The following DAB2IP variants were observed in gnomAD, a reference collection of about 807,000 sequenced individuals.
DAB2IP encodes DAB2 interacting protein.
Under a neutral mutation model 107.2 loss-of-function variants are expected in DAB2IP, and 28 were observed. That is an observed-to-expected ratio of 0.26 (90% confidence interval 0.19 to 0.36). The LOEUF is 0.36. DAB2IP is among the 10% of genes least tolerant of loss of function. The probability of loss-of-function intolerance (pLI) is 1.00; values close to 1 mark genes in which losing one functional copy is unlikely to be tolerated. For synonymous variants in DAB2IP, 755 were observed against 706.4 expected (o/e 1.07, Z -1.09); for missense variants, 1,400 against 1,644.7 (o/e 0.85, Z 2.57).
exon 13 of DAB2IP, chr9:121,774,294 G>T: frequency 6.2e-7 from 1 of 1,613,048 alleles, no homozygotes; most frequent in South Asian, 1.1e-5. Flanking sequence ...GCCCTGGACC[G>T]CACAGCCGCT....
exon 4 of DAB2IP, chr9:121,757,142 C>G: frequency 6.2e-7 from 1 of 1,614,130 alleles, no homozygotes; most frequent in East Asian, 2.2e-5. Flanking sequence ...ACAGCAGCAT[C>G]CTTGGCCAGG....
intron 1 of DAB2IP, among the ~76,000 whole-genome samples, chr9:121,596,109 C>T (rs951976324): frequency 5.9e-5 from 9 of 152,126 alleles, no homozygotes; most frequent in East Asian, 5.8e-4. Context: ...TCACCTGAGG[C>T]GGGGAGTTCG....
At chr9:121,775,223 C>G (rs986149201) in intron 13 of DAB2IP, among the ~76,000 whole-genome samples, 2 of 152,208 alleles carry the variant, frequency 1.3e-5, no homozygotes, top group African/African-American at 4.8e-5. Flanking sequence ...GCTCTCGCCC[C>G]GCTGGGCCCC....
At position 121,699,005 on chromosome 9, in the gene DAB2IP, C is replaced by T. The variant is rs1829585890; in HGVS notation, c.229-320C>T. 6.6e-6 allele frequency among the ~76,000 whole-genome samples: 1 copy of T among 151,350 alleles called. No homozygotes were observed. Among genetic ancestry groups the T allele is most frequent in the South Asian group, 2.1e-4 (1 of 4,830 alleles). On this transcript the variant is annotated intron_variant, in intron 2 of 15. Coordinates refer to ENST00000408936, the Ensembl canonical transcript of DAB2IP. The surrounding 1 kb of genome is among the most constrained non-coding windows in gnomAD (Gnocchi z 6.2). Reference sequence around the variant, plus strand: ...GCCCCCTCGTCCCGGTACTCCCCCTCGCCCCGGCGCCCGGGGGGCTCGGGC... The same window carrying T: ...GCCCCCTCGTCCCGGTACTCCCCCTTGCCCCGGCGCCCGGGGGGCTCGGGC...
At chr9:121,779,961 G>A (rs1398115307) in intron 14 of DAB2IP, among the ~76,000 whole-genome samples, 1 of 152,136 alleles carries the variant, frequency 6.6e-6, no homozygotes, top group Non-Finnish European at 1.5e-5. Context: ...CTTCCAGGCC[G>A]TTCACTGGGC....
chr9:121,741,304 A>G (rs1308519512), intron 3 of DAB2IP, among the ~76,000 whole-genome samples: 1 of 151,994 alleles, frequency 6.6e-6, no homozygotes, highest in East Asian at 1.9e-4. Context: ...AGAACTCCCC[A>G]TAGGTAAGGT....
At chr9:121,656,545 T>G (rs1832980342) in intron 1 of DAB2IP, among the ~76,000 whole-genome samples, 2 of 152,364 alleles carry the variant, frequency 1.3e-5, no homozygotes, top group South Asian at 2.1e-4. Flanking sequence ...AGACACAATC[T>G]TTCATTTGGG....
chr9:121,657,984 A>G (rs1342007072), intron 1 of DAB2IP, among the ~76,000 whole-genome samples: 1 of 152,090 alleles, frequency 6.6e-6, no homozygotes, highest in Non-Finnish European at 1.5e-5. Context: ...CCGGGTCTGG[A>G]ACTCAGATCC....
chr9:121,613,683 C>A (rs960780864), intron 1 of DAB2IP, among the ~76,000 whole-genome samples: 1 of 152,136 alleles, frequency 6.6e-6, no homozygotes, highest in African/African-American at 2.4e-5. Context: ...GGTGTTTGGG[C>A]AACTTCTCGC....
exon 16 of DAB2IP, chr9:121,785,215 C>G (rs1269591667): frequency 6.5e-6 from 1 of 152,674 alleles, no homozygotes; most frequent in Non-Finnish European, 1.5e-5. Flanking sequence ...GCATCTGCCC[C>G]AGGTACACCT....
chr9:121,710,714 C>T (rs146453680), intron 3 of DAB2IP, among the ~76,000 whole-genome samples: 1 of 152,262 alleles, frequency 6.6e-6, no homozygotes, highest in Non-Finnish European at 1.5e-5. Context: ...TGAAGGCAAA[C>T]AGGGTGATGA....
At chr9:121,606,064 T>G (rs547016762) in intron 1 of DAB2IP, among the ~76,000 whole-genome samples, 2 of 152,164 alleles carry the variant, frequency 1.3e-5, no homozygotes, top group African/African-American at 4.8e-5. Context: ...ATACTAAGGT[T>G]GGGTGTGCTG....
At chr9:121,763,803 G>T in exon 8 of DAB2IP, 1 of 1,614,118 alleles carries the variant, frequency 6.2e-7, no homozygotes, top group Admixed American at 1.7e-5. Context: ...GTGCTCGGCC[G>T]CTGACCTCCC....
rs1364468400 is a variant in DAB2IP at position 121,760,396 on chromosome 9, C to T, written c.1127C>T (p.Ala376Val). 2 of 1,608,926 alleles carry T rather than the reference C, an allele frequency of 1.2e-6. No homozygotes were observed. The highest frequency in any genetic ancestry group is 3.3e-5 in the Admixed American group (2 of 59,976). The change falls in exon 6 of 16, where the codon GCA becomes GTA. Residue 376 changes from alanine to valine, a missense_variant. Around this residue, in one of 3 missense-constraint regions of DAB2IP, gnomAD observed 517 missense variants for 748.6 expected, o/e 0.69. Coordinates refer to ENST00000408936, the Ensembl canonical transcript of DAB2IP. This position sits in a 1 kb window ranked among gnomAD's most constrained non-coding sequence, Gnocchi z 5.9. ...AGTGCCAAGACCAAGGAGGAGATGG[C>T]ATCTGCCCTGGTGCACATCCTGCAG...
intron 1 of DAB2IP, among the ~76,000 whole-genome samples, chr9:121,643,539 A>T (rs1270020196): frequency 6.6e-6 from 1 of 151,266 alleles, no homozygotes; most frequent in African/African-American, 2.4e-5. Flanking sequence ...TCACCATCCT[A>T]CCCACTGTCT....
chr9:121,595,749 A>G (rs2118939739), intron 1 of DAB2IP, among the ~76,000 whole-genome samples: 1 of 152,312 alleles, frequency 6.6e-6, no homozygotes, highest in South Asian at 2.1e-4. Flanking sequence ...ATTCCTCTGA[A>G]TGTCTTTATA....
At chr9:121,773,265 C>T (rs1180707217) in exon 12 of DAB2IP, 1 of 1,540,494 alleles carries the variant, frequency 6.5e-7, no homozygotes, top group African/African-American at 1.4e-5. Flanking sequence ...CAGTGCTGGC[C>T]CCCAGAGGAG....
chr9:121,765,697 G>T (rs1476127057), intron 8 of DAB2IP, among the ~76,000 whole-genome samples: 1 of 152,178 alleles, frequency 6.6e-6, no homozygotes, highest in Non-Finnish European at 1.5e-5. Context: ...ACTGGGGCCT[G>T]GCCTGCCCCA....
chr9:121,768,402 G>C, intron 9 of DAB2IP, 30 bp from the exon 10 acceptor site: 2 of 1,613,538 alleles, frequency 1.2e-6, no homozygotes, highest in Non-Finnish European at 1.7e-6. Context: ...CCTGGGCCCA[G>C]TAGTGCTCAC....
Sources: gnomAD v4.1 joint callset for allele counts (sites outside exome capture counted in the v4.1 genomes callset) on GRCh38, gnomAD v4.1.1 for gene constraint, gnomAD v4.1.1 regional missense constraint, Gnocchi (gnomAD v3.1) non-coding constraint, MANE v1.5 for transcripts, NCBI Gene and HGNC (gene_info 2026-07-23, HGNC 2026-07-21) for gene names.